The following ZNF816 variants were observed in gnomAD, a reference collection of about 807,000 sequenced individuals.
ZNF816 encodes the protein zinc finger protein 816A.
In ZNF816, 11 loss-of-function variants were observed where a neutral mutation model predicts 8.3. The ratio of observed to expected loss-of-function variants is 1.32; its 90% confidence interval spans 0.83 to 2.19. The LOEUF is 2.19. Among genes scored for constraint, ZNF816 ranks in the 30% most tolerant of loss-of-function variants. ZNF816 has a pLI of 0.00. For missense variants in ZNF816, 710 were observed against 779.3 expected, an observed-to-expected ratio of 0.91 and a Z score of 1.06; for synonymous variants, 255 against 254.5, an observed-to-expected ratio of 1.00 and a Z score of -0.02.
rs749127499 is a variant in ZNF816 at position 52,949,752 on chromosome 19, CTCT to C, written c.*64_*66del. The C allele has an allele frequency of 1.4e-4, 233 of 1,608,722 alleles. No homozygotes were observed. Among genetic ancestry groups the C allele is most frequent in the Non-Finnish European group, 1.9e-4 (226 of 1,176,690 alleles). On this transcript the variant is annotated 3_prime_UTR_variant, in exon 4 of 4. Coordinates refer to ENST00000444460, the MANE Select transcript of ZNF816 (RefSeq NM_001202457.3). ...CCACATTTATTACACTTGTAGATCT[CTCT>C]TCAATATGGATTCTGTAATGATTTG...
rs943445688 is a variant in ZNF816 at position 52,952,782 on chromosome 19, C to T, written c.159G>A (p.Met53Ile). 1 of 1,613,920 alleles carries T rather than the reference C, an allele frequency of 6.2e-7. No individual in the cohort carries two copies. The highest frequency in any genetic ancestry group is 1.1e-5 in the South Asian group (1 of 91,088). The change falls in exon 3 of 4, where the codon ATG becomes ATA. Residue 53 changes from methionine to isoleucine, a missense_variant. Physicochemically the swap from Met to Ile is conservative, Grantham distance 10. Transcript: ENST00000444460. ...ACTCCAGGTTCCTGTAGTTCTCCAA[C>T]ATCACAGCCCTGTATAAAGCCCTCT... ...PAQRALYRAV[M>I]LENYRNLEFV...
At chr19:52,953,191 T>A (rs2122147953) in intron 2 of ZNF816, 1 of 259,702 alleles carries the variant, frequency 3.9e-6, no homozygotes, top group South Asian at 4.2e-5. Flanking sequence ...AGCTCAGGAG[T>A]TCGAGCCCAG....
intron 1 of ZNF816, among the ~76,000 whole-genome samples, 187 bp downstream of exon 1, chr19:52,962,540 G>A (rs186408317): frequency 1.4e-3 from 216 of 152,236 alleles, no homozygotes; most frequent in Middle Eastern, 6.8e-3. Context: ...CTCTTGCCCA[G>A]GGCAAGAATC....
intron 2 of ZNF816, chr19:52,953,306 T>C (rs1193467024): frequency 3.0e-6 from 1 of 334,320 alleles, no homozygotes. Flanking sequence ...TGCACGAGAA[T>C]AACTTGAGAA....
In ZNF816 at chr19:52,959,016, C is replaced by T. The variant is rs146141405; in HGVS notation, c.-15-2912G>A. ...CTGTATGTTTCTGAGAGAGAAAATA[C>T]GGCAGTTAGGGTTTTGATCCAAACT... On this transcript the variant is annotated intron_variant, in intron 1 of 3. Transcript: ENST00000444460. Among the ~76,000 whole-genome samples, 249 of 152,334 alleles carry T rather than the reference C, an allele frequency of 1.6e-3. 1 individual carries two copies. The highest frequency in any genetic ancestry group is 0.01 in the Middle Eastern group (3 of 294).
intron 2 of ZNF816, among the ~76,000 whole-genome samples, chr19:52,954,115 A>G (rs761562250): frequency 1.8e-4 from 27 of 151,922 alleles, no homozygotes; most frequent in Non-Finnish European, 3.1e-4. Flanking sequence ...TTGGCTGCAC[A>G]CAGTAGGTAC....
chr19:52,955,250 G>A (rs1009983937), intron 2 of ZNF816, among the ~76,000 whole-genome samples: 5 of 152,088 alleles, frequency 3.3e-5, no homozygotes, highest in Admixed American at 2.6e-4. Flanking sequence ...ATGATTTAAA[G>A]AATCCCCTGC....
In ZNF816 at chr19:52,949,912, G is replaced by C. The variant is rs2083438894; in HGVS notation, c.1863C>G (p.Tyr621Ter). 2 of 1,613,740 alleles carry C rather than the reference G, an allele frequency of 1.2e-6. No individual in the cohort carries two copies. The highest frequency in any genetic ancestry group is 1.7e-6 in the Non-Finnish European group (2 of 1,179,858). ...AGGCTTTGCCACACTCATTACACTT[G>C]TAAGGTTTCTCTGCAGTATGAACTC... is the stretch of plus-strand genomic sequence containing the variant. ...HQRVHTAEKP[Y>*]KCNECGKAFT... The change falls in exon 4 of 4, where the codon TAC becomes TAG. Residue 621 changes from tyrosine to a stop codon, truncating the protein, a stop_gained. Coordinates refer to ENST00000444460, the MANE Select transcript of ZNF816 (RefSeq NM_001202457.3). LOFTEE classifies it low-confidence loss of function (END_TRUNC).
Position 52,951,380 on chromosome 19 carries a change from A to T in ZNF816, c.395T>A (p.Ile132Asn), listed in dbSNP as rs1377516905. Residue 132 changes from isoleucine (I) to asparagine (N), a missense_variant, in exon 4 of 4, where the codon ATC (isoleucine) becomes AAC (asparagine). Physicochemically the swap from Ile to Asn is moderately radical, Grantham distance 149. Coordinates refer to ENST00000444460, the MANE Select transcript of ZNF816 (RefSeq NM_001202457.3). The stretch of plus-strand genomic sequence containing the variant: ...GTCTGTACTACCAGTCAACTTTTTG[A>T]TTTTTGTCATGGGTGCTTCATGGCC... ...RNGHEAPMTKIKKLTGSTDRS... is the reference protein window; with the variant it reads ...RNGHEAPMTKNKKLTGSTDRS... 6.2e-7 allele frequency: 1 copy of T among 1,613,968 alleles called. No homozygotes were observed. Among genetic ancestry groups the T allele is most frequent in the Non-Finnish European group, 8.5e-7 (1 of 1,179,948 alleles).
chr19:52,956,681 G>A (rs903279594), intron 1 of ZNF816, among the ~76,000 whole-genome samples: 1 of 152,202 alleles, frequency 6.6e-6, no homozygotes, highest in Non-Finnish European at 1.5e-5. Context: ...TTAGTGTGGT[G>A]TGGTGGCACG....
rs1978665693 is a variant in ZNF816 at position 52,950,493 on chromosome 19, TAC to T, written c.1280_1281del (p.Cys427Ter). On this transcript the variant is annotated frameshift_variant, in exon 4 of 4. Transcript: ENST00000444460. LOFTEE classifies it low-confidence loss of function (END_TRUNC). The stretch of plus-strand genomic sequence containing the variant: ...CTCCGGAAAACCTTGTCACAAACCT[TAC>T]ATTTGTATGATCCCTCTCCAGTATG... Reference protein sequence around the residue: ...KIHTGEGSYKCKVCDKVFRSD... With the variant: ...KIHTGEGSYKXKVCDKVFRSD... The T allele has an allele frequency of 6.2e-7, 1 of 1,613,558 alleles. No individual in the cohort carries two copies. Among genetic ancestry groups the T allele is most frequent in the Admixed American group, 1.7e-5 (1 of 59,978 alleles).
At chr19:52,961,661 G>A (rs2083558208) in intron 1 of ZNF816, among the ~76,000 whole-genome samples, 1 of 152,318 alleles carries the variant, frequency 6.6e-6, no homozygotes, top group South Asian at 2.1e-4. Flanking sequence ...AGTCCGAGGG[G>A]AGGTCCCCAG....
At chr19:52,960,205 T>A (rs957627962) in intron 1 of ZNF816, 1 of 252,580 alleles carries the variant, frequency 4.0e-6, no homozygotes, top group African/African-American at 2.3e-5. Context: ...CGAGGCAGGG[T>A]TCAGCCATTC....
In ZNF816 at chr19:52,949,616, T is replaced by C. The variant is rs2083435875; in HGVS notation, c.*203A>G. 1 of 859,518 alleles carries C rather than the reference T, an allele frequency of 1.2e-6. No individual in the cohort carries two copies. The highest frequency in any genetic ancestry group is 1.9e-6 in the Non-Finnish European group (1 of 514,360). 53.2% of individuals were successfully genotyped at this position (859,518 alleles called of 1,614,324 possible). Reference sequence around the variant, plus strand: ...TCCTGTATGAATTCTATGTTTTGCATAGGATGAAGCTTGACTGAAGACCTT... The same window carrying C: ...TCCTGTATGAATTCTATGTTTTGCACAGGATGAAGCTTGACTGAAGACCTT... On this transcript the variant is annotated 3_prime_UTR_variant, in exon 4 of 4. Transcript: ENST00000444460.
In ZNF816 at chr19:52,951,006, A is replaced by C; in HGVS notation, c.769T>G (p.Tyr257Asp). The C allele has an allele frequency of 6.2e-7, 1 of 1,614,168 alleles. No homozygotes were observed. Among genetic ancestry groups the C allele is most frequent in the Non-Finnish European group, 8.5e-7 (1 of 1,180,032 alleles). Residue 257 changes from tyrosine to aspartate, a missense_variant, in exon 4 of 4, where the codon TAT becomes GAT. By Grantham distance (160) the Tyr-to-Asp change is radical. Coordinates refer to ENST00000444460, the MANE Select transcript of ZNF816 (RefSeq NM_001202457.3). ...ATCTTGCCACATACATCACATTTAT[A>C]TTCTCTCTCTCTTGAATGGGTTATG... ...HHITHSRERE[Y>D]KCDVCGKIFN...
Position 52,949,999 on chromosome 19 carries a change from A to T in ZNF816, c.1776T>A (p.Pro592=). The T allele has an allele frequency of 6.2e-7, 1 of 1,613,960 alleles. No individual in the cohort carries two copies. Among genetic ancestry groups the T allele is most frequent in the Non-Finnish European group, 8.5e-7 (1 of 1,179,910 alleles). Residue 592 remains proline (P), a synonymous_variant, in exon 4 of 4, where the codon CCT becomes CCA. Coordinates refer to ENST00000444460, the MANE Select transcript of ZNF816 (RefSeq NM_001202457.3). The part of the protein sequence containing the change: ...QHQRVHTGEK[P]YKCNECGKVF... ...CCTTGCCACATTCATTACACTTGTAAGGTTTCTCTCCAGTATGAACTCTCT... is the reference window on the plus strand; with the variant it reads ...CCTTGCCACATTCATTACACTTGTATGGTTTCTCTCCAGTATGAACTCTCT...
At position 52,949,879 on chromosome 19, in the gene ZNF816, T is replaced by C; in HGVS notation, c.1896A>G (p.Gly632=). ...CTTGATGGTGAATAAGTGTTGACTG[T>C]CCAGTAAAGGCTTTGCCACACTCAT... The part of the protein sequence containing the change: ...KCNECGKAFT[G]QSTLIHHQAI... The change falls in exon 4 of 4, where the codon GGA becomes GGG. Residue 632 remains glycine, a synonymous_variant. Transcript: ENST00000444460. 1.2e-6 allele frequency: 2 copies of C among 1,613,842 alleles called. No individual in the cohort carries two copies. The highest frequency in any genetic ancestry group is 1.7e-6 in the Non-Finnish European group (2 of 1,179,790).
chr19:52,954,295 A>G (rs1015291053), intron 2 of ZNF816, among the ~76,000 whole-genome samples: 4 of 151,700 alleles, frequency 2.6e-5, no homozygotes, highest in Admixed American at 6.6e-5. Flanking sequence ...GGGAGGTGGA[A>G]GTTGCAGTGA....
At chr19:52,954,730 G>GT (rs771310524) in intron 2 of ZNF816, among the ~76,000 whole-genome samples, 1 of 144,126 alleles carries the variant, frequency 6.9e-6, no homozygotes, top group Non-Finnish European at 1.5e-5. Context: ...TGGCTGAAGC[G>GT]TAAGACTCAT....
Sources: gnomAD v4.1 joint callset for allele counts (sites outside exome capture counted in the v4.1 genomes callset) on GRCh38, gnomAD v4.1.1 for gene constraint, MANE v1.5 for transcripts, NCBI Gene and HGNC (gene_info 2026-07-23, HGNC 2026-07-21) for gene names.